The following RNF213 variants were observed in gnomAD, a reference collection of about 807,000 sequenced individuals.
RNF213 encodes the protein E3 ubiquitin-protein ligase RNF213.
RNF213 carries 341 observed loss-of-function variants against 514.4 expected under a neutral mutation model. That is an observed-to-expected ratio of 0.66 (90% CI 0.61 to 0.73). The LOEUF (loss-of-function observed/expected upper bound fraction) is 0.73. Among genes scored for constraint, RNF213 ranks in the 30% least tolerant of loss-of-function variants. The pLI is 0.00. For missense variants in RNF213, 5,767 were observed against 6,615.6 expected, an observed-to-expected ratio of 0.87 and a Z score of 4.45; for synonymous variants, 2,655 against 2,658.2, an observed-to-expected ratio of 1.00 and a Z score of 0.04.
Position 80,295,740 on chromosome 17 carries a change from C to A in RNF213, c.1939C>A (p.Leu647Ile), listed in dbSNP as rs778580375. The A allele has an allele frequency of 1.9e-6, 3 of 1,614,164 alleles. No individual in the cohort carries two copies. The South Asian group carries it at 3.3e-5, about 18-fold the overall frequency. ...AGGCAGCCTGGACTGGTTGTGTCAC[C>A]TCCTAACCTCAGATGCCAGCTCACC... ...LEGSLDWLCH[L>I]LTSDASSPDE... Residue 647 changes from leucine (L) to isoleucine (I), a missense_variant, in exon 10 of 68, where the codon CTC becomes ATC. By Grantham distance (5) the Leu-to-Ile change is conservative. This residue lies in a region of RNF213 where 592 missense variants were observed against 673.9 expected (regional missense o/e 0.88). Transcript: ENST00000582970.
At position 80,380,921 on chromosome 17, in the gene RNF213, G is replaced by A. The variant is rs764824345; in HGVS notation, c.13731G>A (p.Val4577=). The change falls in exon 56 of 68, where the codon GTG becomes GTA. Residue 4577 remains valine (V), a synonymous_variant. Transcript: ENST00000582970. ...CATGTGACCGAGGGCTGCCCCCAGT[G>A]GTCTTCCTCCTTATCCGGCTACTCA... ...VVTCDRGLPP[V]VFLLIRLLTH... 6.2e-7 allele frequency: 1 copy of A among 1,614,060 alleles called. No individual in the cohort carries two copies. Among genetic ancestry groups the A allele is most frequent in the Non-Finnish European group, 8.5e-7 (1 of 1,180,030 alleles).
In RNF213 at chr17:80,390,001, C is replaced by A; in HGVS notation, c.15286-11C>A. ...GGCTTTAATGCTTCATTTGCTCTTCCGTCGTTTTAGGAGCCATTTGGGGAA... is the reference window on the plus strand; with the variant it reads ...GGCTTTAATGCTTCATTTGCTCTTCAGTCGTTTTAGGAGCCATTTGGGGAA... On this transcript the variant is annotated splice_polypyrimidine_tract_variant and intron_variant, in intron 66 of 67. Transcript: ENST00000582970. 1 of 1,614,198 alleles carries A rather than the reference C, an allele frequency of 6.2e-7. No individual in the cohort carries two copies. Among genetic ancestry groups the A allele is most frequent in the Non-Finnish European group, 8.5e-7 (1 of 1,180,020 alleles).
At chr17:80,322,149 C>CGCA (rs1453343072) in intron 17 of RNF213, among the ~76,000 whole-genome samples, 13 of 64,752 alleles carry the variant, frequency 2.0e-4, no homozygotes, top group Non-Finnish European at 3.8e-4. Context: ...CCCTCATCCC[C>CGCA]CCCACCCCCC....
intron 11 of RNF213, 59 bp from the exon 12 acceptor site, chr17:80,306,193 C>A: frequency 6.6e-7 from 1 of 1,513,408 alleles, no homozygotes; most frequent in Non-Finnish European, 9.2e-7. Context: ...TGGTTTCCTC[C>A]ATTTTCCCTC....
chr17:80,369,808 T>G lies in RNF213; in HGVS notation c.12366T>G (p.Asp4122Glu). The G allele has an allele frequency of 6.2e-7, 1 of 1,614,056 alleles. No homozygotes were observed. The highest frequency in any genetic ancestry group is 8.5e-7 in the Non-Finnish European group (1 of 1,179,934). Reference sequence around the variant, plus strand: ...CAAAATCTCTCTCTCCATTCAATGATGTTGTGGATAAGACTCCTGTCATCC... The same window carrying G: ...CAAAATCTCTCTCTCCATTCAATGAGGTTGTGGATAAGACTCCTGTCATCC... The part of the protein sequence containing the change: ...EHTKSLSPFN[D>E]VVDKTPVIRS... The change falls in exon 46 of 68, where the codon GAT (aspartate) becomes GAG (glutamate). Residue 4122 changes from aspartate (D) to glutamate (E), a missense_variant. By Grantham distance (45) the Asp-to-Glu change is conservative (BLOSUM62 2). Coordinates refer to ENST00000582970, the MANE Select transcript of RNF213 (RefSeq NM_001256071.3).
rs1194916490 is a variant in RNF213, at chr17:80,339,572, C to T, written c.5205C>T (p.Asn1735=). The change falls in exon 26 of 68, where the codon AAC becomes AAT. Residue 1735 remains asparagine (N), a synonymous_variant. Coordinates refer to ENST00000582970, the MANE Select transcript of RNF213 (RefSeq NM_001256071.3). ...CGATGCTATCCTTCATCAAAAGCAA[C>T]TGCACCCTGAGGGATGTCTTAAGGG... ...ALTMLSFIKS[N]CTLRDVLRAS... The T allele has an allele frequency of 6.5e-7, 1 of 1,537,214 alleles. No homozygotes were observed. Among genetic ancestry groups the T allele is most frequent in the East Asian group, 2.4e-5 (1 of 40,908 alleles).
At position 80,288,919 on chromosome 17, in the gene RNF213, A is replaced by G. The variant is rs1193940277; in HGVS notation, c.933+164A>G. On this transcript the variant is annotated intron_variant, in intron 5 of 67. Coordinates refer to ENST00000582970, the MANE Select transcript of RNF213 (RefSeq NM_001256071.3). The surrounding 1 kb of genome is among the most constrained non-coding windows in gnomAD (Gnocchi z 4.9). Reference sequence around the variant, plus strand: ...CTCACATTCCAGCGGAGAGAGAGTCAGGAAACCGACTTCAGCGGTGAGAAG... The same window carrying G: ...CTCACATTCCAGCGGAGAGAGAGTCGGGAAACCGACTTCAGCGGTGAGAAG... 6.6e-6 allele frequency among the ~76,000 whole-genome samples: 1 copy of G among 152,244 alleles called. No individual in the cohort carries two copies. The highest frequency in any genetic ancestry group is 2.4e-5 in the African/African-American group (1 of 41,464).
chr17:80,386,648 A>C, intron 62 of RNF213, 42 bp from the exon 63 acceptor site: 1 of 1,594,638 alleles, frequency 6.3e-7, no homozygotes, highest in Non-Finnish European at 8.6e-7. Flanking sequence ...CTAGGCCCGC[A>C]TGCCTGGCCT....
Position 80,337,674 on chromosome 17 carries a change from C to G in RNF213, c.4616C>G (p.Ala1539Gly). 1 of 1,537,290 alleles carries G rather than the reference C, an allele frequency of 6.5e-7. No homozygotes were observed. Among genetic ancestry groups the G allele is most frequent in the South Asian group, 1.2e-5 (1 of 84,068 alleles). The change falls in exon 24 of 68, where the codon GCC becomes GGC. Residue 1539 changes from alanine to glycine, a missense_variant. Ala to Gly is a moderately conservative substitution (Grantham distance 60, BLOSUM62 0). This residue lies in a region of RNF213 where 1,377 missense variants were observed against 1,635.2 expected (regional missense o/e 0.84). Coordinates refer to ENST00000582970, the MANE Select transcript of RNF213 (RefSeq NM_001256071.3). ...CGCTCATCCCTGACCCTGGCCACGG[C>G]CATCAACCAAAGAGGCATCTATGTG... The part of the protein sequence containing the change: ...VERSSLTLAT[A>G]INQRGIYVIQ...
In RNF213 at chr17:80,339,376, C is replaced by T; in HGVS notation, c.5009C>T (p.Thr1670Ile). ...GAGCTTAAAGAAGGTGGAGATGTCA[C>T]TGAGCTGCTGGCAGCCCTCTGCAGG... ...VTELKEGGDV[T>I]ELLAALCRQM... The change falls in exon 26 of 68, where the codon ACT becomes ATT. Residue 1670 changes from threonine to isoleucine, a missense_variant. This residue lies in a region of RNF213 where 1,377 missense variants were observed against 1,635.2 expected (regional missense o/e 0.84). Transcript: ENST00000582970. 1 of 1,537,268 alleles carries T rather than the reference C, an allele frequency of 6.5e-7. No individual in the cohort carries two copies. Among genetic ancestry groups the T allele is most frequent in the Non-Finnish European group, 8.7e-7 (1 of 1,146,916 alleles).
In RNF213 at chr17:80,377,094, C is replaced by A. The variant is rs2079791240; in HGVS notation, c.13510+131C>A. 1 of 708,716 alleles carries A rather than the reference C, an allele frequency of 1.4e-6. No homozygotes were observed. The highest frequency in any genetic ancestry group is 2.5e-6 in the Non-Finnish European group (1 of 392,994). 43.9% of individuals were successfully genotyped at this position (708,716 alleles called of 1,614,324 possible). On this transcript the variant is annotated intron_variant, in intron 53 of 67. Transcript: ENST00000582970. This position sits in a 1 kb window ranked among gnomAD's most constrained non-coding sequence, Gnocchi z 4.1. ...AGGGTCCAAAACCACCTGCATTCTACCGGTGGCGTCTGCAGAAGACGAATG... is the reference window on the plus strand; with the variant it reads ...AGGGTCCAAAACCACCTGCATTCTAACGGTGGCGTCTGCAGAAGACGAATG...
chr17:80,275,229 C>A (rs1243774467), intron 3 of RNF213, among the ~76,000 whole-genome samples: 4 of 151,162 alleles, frequency 2.6e-5, no homozygotes, highest in African/African-American at 7.3e-5. Flanking sequence ...GTGTCATTCC[C>A]TTGGAGAATA....
Position 80,389,934 on chromosome 17 carries a change from CCT to C in RNF213, c.15285+22_15285+23del, listed in dbSNP as rs1568175153. 1.9e-6 allele frequency: 3 copies of C among 1,613,936 alleles called. No individual in the cohort carries two copies. The highest frequency in any genetic ancestry group is 2.2e-5 in the East Asian group (1 of 44,890). Reference sequence around the variant, plus strand: ...CTGCACAAAGTAAGTCTGGTCTCTTCCTCTCTGCTGGACAGAGGGACTGCGCT... The same window carrying C: ...CTGCACAAAGTAAGTCTGGTCTCTTCCTCTGCTGGACAGAGGGACTGCGCT... On this transcript the variant is annotated intron_variant, in intron 66 of 67. Transcript: ENST00000582970.
chr17:80,382,921 G>A (rs547372782), intron 57 of RNF213, 58 bp from the exon 58 acceptor site: 4 of 1,009,552 alleles, frequency 4.0e-6, no homozygotes, highest in African/African-American at 1.6e-5. Context: ...TTTATTATAC[G>A]CAGACTGCTG....
At position 80,386,809 on chromosome 17, in the gene RNF213, C is replaced by T. The variant is rs1196179683; in HGVS notation, c.14840C>T (p.Thr4947Ile). ...TACCAGGTGGAGGAGGGCAGAGAGACCGTGCAGGAGTTCGATCTGGAGAAG... is the reference window on the plus strand; with the variant it reads ...TACCAGGTGGAGGAGGGCAGAGAGATCGTGCAGGAGTTCGATCTGGAGAAG... Reference protein sequence around the residue: ...CQYQVEEGRETVQEFDLEKIQ... With the variant: ...CQYQVEEGREIVQEFDLEKIQ... The change falls in exon 63 of 68, where the codon ACC becomes ATC. Residue 4947 changes from threonine (T) to isoleucine (I), a missense_variant. Physicochemically the swap from Thr to Ile is moderately conservative, Grantham distance 89 (BLOSUM62 -1). This residue lies in a region of RNF213 where 1,245 missense variants were observed against 1,339.0 expected (regional missense o/e 0.93). Transcript: ENST00000582970. 6.2e-7 allele frequency: 1 copy of T among 1,614,204 alleles called. No individual in the cohort carries two copies.
chr17:80,315,713 T>C (rs2045896710), intron 15 of RNF213: 1 of 145,108 alleles, frequency 6.9e-6, no homozygotes, highest in Non-Finnish European at 1.5e-5. Context: ...GTAATGGAAG[T>C]GATGGTGGAG....
At chr17:80,371,477 A>G (rs117227113) in intron 46 of RNF213, among the ~76,000 whole-genome samples, 191 of 152,378 alleles carry the variant, frequency 1.3e-3, no homozygotes, top group Non-Finnish European at 2.2e-3. Flanking sequence ...TGTTTTGGAA[A>G]ATATTTTAAA....
Position 80,363,211 on chromosome 17 carries a change from G to T in RNF213, c.11465G>T (p.Arg3822Ile), listed in dbSNP as rs775742784. The T allele has an allele frequency of 2.0e-5, 33 of 1,614,090 alleles. No homozygotes were observed. The highest frequency in any genetic ancestry group is 2.6e-5 in the Non-Finnish European group (31 of 1,180,040). ...PWVHLAYQRFRSRLQNFSRIL... is the reference protein window; with the variant it reads ...PWVHLAYQRFISRLQNFSRIL... ...GTGCACCTTGCCTACCAGCGTTTCA[G>T]AAGCCGTCTGCAGAACTTTTCCAGA... Residue 3822 changes from arginine to isoleucine, a missense_variant, in exon 40 of 68, where the codon AGA (arginine) becomes ATA (isoleucine). Coordinates refer to ENST00000582970, the MANE Select transcript of RNF213 (RefSeq NM_001256071.3).
At chr17:80,337,768 C>T in intron 24 of RNF213, 42 bp downstream of exon 24, 9 of 1,537,072 alleles carry the variant, frequency 5.9e-6, no homozygotes, top group Non-Finnish European at 7.0e-6. Flanking sequence ...GGCCCTTCTG[C>T]AGGCTGCTGC....
Sources: gnomAD v4.1 joint callset for allele counts (sites outside exome capture counted in the v4.1 genomes callset) on GRCh38, gnomAD v4.1.1 for gene constraint, gnomAD v4.1.1 regional missense constraint, Gnocchi (gnomAD v3.1) non-coding constraint, MANE v1.5 for transcripts, NCBI Gene and HGNC (gene_info 2026-07-23, HGNC 2026-07-21) for gene names.